Variants in CCDC93 observed in about 807,000 individuals in gnomAD.
CCDC93 encodes coiled-coil domain-containing protein 93.
In CCDC93, 61 loss-of-function variants were observed where a neutral mutation model predicts 108.2. That is an observed-to-expected ratio of 0.56 (90% confidence interval 0.46 to 0.70). CCDC93 has a LOEUF of 0.70. Ranked by LOEUF, CCDC93 falls within the 30% of genes least tolerant of loss-of-function variation. The probability of loss-of-function intolerance (pLI) is 0.00; values close to 1 mark genes in which losing one functional copy is unlikely to be tolerated. For synonymous variants in CCDC93, 276 were observed against 260.4 expected (o/e 1.06, Z -0.58); for missense variants, 685 against 764.2 (o/e 0.90, Z 1.22).
intron 11 of CCDC93, among the ~76,000 whole-genome samples, chr2:117,970,355 G>A (rs1679721528): frequency 6.6e-6 from 1 of 151,850 alleles, no homozygotes; most frequent in Non-Finnish European, 1.5e-5. Context: ...ATTCTACATA[G>A]GTTAAAGAAT....
At position 117,918,901 on chromosome 2, in the gene CCDC93, T is replaced by G. The variant is rs1488519512; in HGVS notation, c.*1442A>C. ...TTTTTAATCCAGCACGTGTGTGTGTTTTTAAATCTGTACACATCAGCCCTG... is the reference window on the plus strand; with the variant it reads ...TTTTTAATCCAGCACGTGTGTGTGTGTTTAAATCTGTACACATCAGCCCTG... On this transcript the variant is annotated 3_prime_UTR_variant, in exon 24 of 24. Transcript: ENST00000376300. 6.6e-6 allele frequency: 1 copy of G among 152,220 alleles called. No individual in the cohort carries two copies. The highest frequency in any genetic ancestry group is 1.5e-5 in the Non-Finnish European group (1 of 68,042). 9.4% of individuals were successfully genotyped at this position (152,220 alleles called of 1,614,324 possible).
chr2:118,001,004 C>T, intron 3 of CCDC93, 72 bp from the exon 4 acceptor site: 2 of 896,670 alleles, frequency 2.2e-6, no homozygotes, highest in Non-Finnish European at 1.9e-6. Context: ...AAAGTCTGGG[C>T]AGCATCACAG....
chr2:117,974,224 C>T (rs1679858205), intron 10 of CCDC93, among the ~76,000 whole-genome samples: 3 of 152,086 alleles, frequency 2.0e-5, no homozygotes, highest in African/African-American at 4.8e-5. Context: ...AAATCCTCCT[C>T]GGACCCTGGG....
chr2:117,967,209 T>C (rs1242523086), intron 11 of CCDC93, among the ~76,000 whole-genome samples: 1 of 152,154 alleles, frequency 6.6e-6, no homozygotes, highest in East Asian at 1.9e-4. Context: ...GCCAGGCTGG[T>C]CTCAAACTCC....
At chr2:117,960,085 C>CT (rs1406322902) in intron 11 of CCDC93, among the ~76,000 whole-genome samples, 1 of 152,124 alleles carries the variant, frequency 6.6e-6, no homozygotes, top group African/African-American at 2.4e-5. Context: ...TATTTAATAG[C>CT]TTTTTTATAG....
At chr2:117,952,826 C>T (rs1679101370) in intron 12 of CCDC93, among the ~76,000 whole-genome samples, 1 of 152,166 alleles carries the variant, frequency 6.6e-6, no homozygotes, top group African/African-American at 2.4e-5. Context: ...ACAATCAATG[C>T]AGTTAACCCA....
rs562836006 is a variant in CCDC93, at chr2:117,961,276, C to T, written c.889-2795G>A. On this transcript the variant is annotated intron_variant, in intron 11 of 23. Transcript: ENST00000376300. ...CTTGAAATCTCTATAGGTACCTCTA[C>T]CATATCTGTTATAGTAGTATATGTT... is the stretch of plus-strand genomic sequence containing the variant. Among the ~76,000 whole-genome samples, 6 of 152,258 alleles carry T rather than the reference C, an allele frequency of 3.9e-5. No homozygotes were observed. The South Asian group carries it at 1.2e-3, about 32-fold the overall frequency.
At chr2:117,951,724 A>G (rs1679062757) in intron 13 of CCDC93, 2 of 993,742 alleles carry the variant, frequency 2.0e-6, no homozygotes, top group Non-Finnish European at 2.4e-6. Flanking sequence ...AGGAACAGAA[A>G]TATCTACACA....
At chr2:117,926,377 C>G (rs1020224435) in intron 23 of CCDC93, among the ~76,000 whole-genome samples, 1 of 151,646 alleles carries the variant, frequency 6.6e-6, no homozygotes, top group Non-Finnish European at 1.5e-5. Context: ...GCTAGCAAGA[C>G]TAATAAAGAA....
intron 3 of CCDC93, among the ~76,000 whole-genome samples, chr2:118,004,173 A>C (rs1027471854): frequency 2.6e-5 from 4 of 152,234 alleles, no homozygotes; most frequent in African/African-American, 9.6e-5. Flanking sequence ...CCTATCATAA[A>C]ACTAGGGATA....
intron 12 of CCDC93, among the ~76,000 whole-genome samples, chr2:117,953,846 A>T (rs1679137121): frequency 6.6e-6 from 1 of 152,014 alleles, no homozygotes; most frequent in Non-Finnish European, 1.5e-5. Context: ...GTGAGTTATG[A>T]TCATGCCACT....
At chr2:117,932,679 C>T (rs1278401206) in intron 22 of CCDC93, among the ~76,000 whole-genome samples, 1 of 152,162 alleles carries the variant, frequency 6.6e-6, no homozygotes, top group African/African-American at 2.4e-5. Flanking sequence ...ACACTTGGAG[C>T]CCTGGCTCAG....
At chr2:117,926,032 G>A (rs1322243487) in intron 23 of CCDC93, among the ~76,000 whole-genome samples, 4 of 152,042 alleles carry the variant, frequency 2.6e-5, no homozygotes, top group Admixed American at 6.6e-5. Flanking sequence ...GGTACATAAC[G>A]ACATGAAGGT....
chr2:118,002,765 T>C (rs1676743906), intron 3 of CCDC93, among the ~76,000 whole-genome samples: 1 of 152,034 alleles, frequency 6.6e-6, no homozygotes, highest in Non-Finnish European at 1.5e-5. Flanking sequence ...GGGCCAGGCA[T>C]GGTAGCTCAT....
intron 8 of CCDC93, 137 bp from the exon 9 acceptor site, chr2:117,975,417 T>G: frequency 1.6e-6 from 1 of 644,516 alleles, no homozygotes; most frequent in Non-Finnish European, 2.7e-6. Context: ...GAGTGGATAC[T>G]CCAAACGGCT....
intron 4 of CCDC93, 126 bp downstream of exon 4, chr2:118,000,695 G>A (rs1170467506): frequency 1.3e-5 from 8 of 624,462 alleles, no homozygotes; most frequent in Non-Finnish European, 2.3e-5. Context: ...ATGTTCTGCT[G>A]TACCAAATCT....
chr2:117,954,558 CATT>C (rs1182474544), intron 12 of CCDC93, among the ~76,000 whole-genome samples: 2 of 152,138 alleles, frequency 1.3e-5, no homozygotes, highest in Admixed American at 1.3e-4. Context: ...TCTTCTTCAT[CATT>C]AACCCCTACA....
At chr2:117,944,835 TTA>T in intron 17 of CCDC93, 1 of 470,602 alleles carries the variant, frequency 2.1e-6, no homozygotes, top group Non-Finnish European at 4.4e-6. Flanking sequence ...AGAGGAACCC[TTA>T]AAGAAGGCAG....
At chr2:117,993,290 G>A (rs887937932) in intron 6 of CCDC93, among the ~76,000 whole-genome samples, 1 of 151,952 alleles carries the variant, frequency 6.6e-6, no homozygotes, top group Non-Finnish European at 1.5e-5. Flanking sequence ...CAGCTACTCG[G>A]GAGGCTGAGG....
Sources: gnomAD v4.1 joint callset for allele counts (sites outside exome capture counted in the v4.1 genomes callset) on GRCh38, gnomAD v4.1.1 for gene constraint, MANE v1.5 for transcripts, NCBI Gene and HGNC (gene_info 2026-07-23, HGNC 2026-07-21) for gene names.